L3MBTL4: variants seen among roughly 807,000 people sequenced by gnomAD.
L3MBTL4 encodes the protein L3MBTL histone methyl-lysine binding protein 4.
Under a neutral mutation model 84.5 loss-of-function variants are expected in L3MBTL4, and 70 were observed. That is an observed-to-expected ratio of 0.83 (90% CI 0.68 to 1.01). L3MBTL4 has a LOEUF of 1.01. Ranked by LOEUF, L3MBTL4 falls within the 50% of genes least tolerant of loss-of-function variation. The pLI is 0.00. For missense variants in L3MBTL4, 715 were observed against 754.8 expected (o/e 0.95, Z 0.62); for synonymous variants, 274 against 259.8 (o/e 1.05, Z -0.52).
chr18:6,308,106 G>GA (rs906597141), intron 3 of L3MBTL4, among the ~76,000 whole-genome samples: 5 of 152,280 alleles, frequency 3.3e-5, no homozygotes, highest in African/African-American at 9.6e-5. Context: ...CTGGTGAGCA[G>GA]AAAAATCTAG....
chr18:6,403,720 A>G (rs769439959), intron 1 of L3MBTL4, among the ~76,000 whole-genome samples: 4 of 152,256 alleles, frequency 2.6e-5, no homozygotes, highest in Non-Finnish European at 5.9e-5. Flanking sequence ...TAAAACTACC[A>G]TTTGATCCAG....
chr18:6,130,600 T>A (rs892841658), intron 14 of L3MBTL4, among the ~76,000 whole-genome samples: 4 of 152,164 alleles, frequency 2.6e-5, no homozygotes, highest in African/African-American at 9.7e-5. Flanking sequence ...GTAAATAATA[T>A]AATTATTGGT....
In L3MBTL4 at chr18:6,281,145, CA is replaced by C. The variant is rs200860011; in HGVS notation, c.128-17108del. Among the ~76,000 whole-genome samples, 73 of 152,142 alleles carry C rather than the reference CA, an allele frequency of 4.8e-4. No homozygotes were observed. In the East Asian group the frequency reaches 0.014, roughly 28 times the overall value. On this transcript the variant is annotated intron_variant, in intron 4 of 18. Transcript: ENST00000317931. ...AATGCTCAGTAACTGGGAAAATTGA[CA>C]AAATAGTCATATTTAATCTGCCTGA...
intron 1 of L3MBTL4, among the ~76,000 whole-genome samples, chr18:6,384,298 C>T (rs1430427297): frequency 1.3e-5 from 2 of 152,088 alleles, no homozygotes; most frequent in Non-Finnish European, 2.9e-5. Flanking sequence ...TATATACACA[C>T]ACACAAACCA....
intron 16 of L3MBTL4, among the ~76,000 whole-genome samples, chr18:5,985,560 CTAA>C (rs1304511237): frequency 1.3e-5 from 2 of 152,190 alleles, no homozygotes; most frequent in Non-Finnish European, 2.9e-5. Context: ...GTCAGGACTC[CTAA>C]TGAGGCTGCC....
At chr18:6,075,723 C>T (rs796504077) in intron 16 of L3MBTL4, among the ~76,000 whole-genome samples, 32 of 152,020 alleles carry the variant, frequency 2.1e-4, no homozygotes, top group African/African-American at 7.5e-4. Flanking sequence ...TGTGAAAAGG[C>T]AAATGGTAGA....
At chr18:6,159,686 C>A (rs1423053009) in intron 13 of L3MBTL4, among the ~76,000 whole-genome samples, 2 of 152,190 alleles carry the variant, frequency 1.3e-5, no homozygotes, top group African/African-American at 2.4e-5. Context: ...GGGCCAGCAC[C>A]ACCAGGCCAC....
chr18:5,983,524 G>T (rs569603231), intron 16 of L3MBTL4, among the ~76,000 whole-genome samples: 1 of 152,108 alleles, frequency 6.6e-6, no homozygotes, highest in Non-Finnish European at 1.5e-5. Context: ...CAGTGTTAGG[G>T]AATAGAACAA....
chr18:6,277,242 C>T (rs2049123628), intron 4 of L3MBTL4, among the ~76,000 whole-genome samples: 1 of 151,972 alleles, frequency 6.6e-6, no homozygotes. Flanking sequence ...ACATATGTAA[C>T]TAACCTGCAC....
At chr18:6,359,060 C>G (rs549355585) in intron 1 of L3MBTL4, among the ~76,000 whole-genome samples, 30 of 152,302 alleles carry the variant, frequency 2.0e-4, no homozygotes, top group African/African-American at 6.3e-4. Context: ...TAGCCCAGAC[C>G]TGCAACACAA....
chr18:6,301,604 G>A (rs2050342223), intron 4 of L3MBTL4, among the ~76,000 whole-genome samples: 2 of 152,048 alleles, frequency 1.3e-5, no homozygotes, highest in Admixed American at 6.5e-5. Context: ...AAACTAAATA[G>A]CATCTCTTTA....
At chr18:6,365,197 AT>A (rs1197494006) in intron 1 of L3MBTL4, among the ~76,000 whole-genome samples, 1 of 152,190 alleles carries the variant, frequency 6.6e-6, no homozygotes, top group Non-Finnish European at 1.5e-5. Flanking sequence ...TGGAATAAAC[AT>A]GCTTCCCTCC....
intron 13 of L3MBTL4, among the ~76,000 whole-genome samples, chr18:6,164,546 C>T (rs998954590): frequency 2.6e-5 from 4 of 152,176 alleles, no homozygotes; most frequent in Non-Finnish European, 4.4e-5. Context: ...CTGCAGCCAC[C>T]GCTGCTGATA....
At chr18:6,256,195 CT>C (rs1341580089) in intron 5 of L3MBTL4, among the ~76,000 whole-genome samples, 1 of 152,164 alleles carries the variant, frequency 6.6e-6, no homozygotes, top group Non-Finnish European at 1.5e-5. Context: ...CAAAATGCAC[CT>C]ATCAAAAACA....
chr18:6,284,159 A>G (rs527983233), intron 4 of L3MBTL4, among the ~76,000 whole-genome samples: 21 of 152,326 alleles, frequency 1.4e-4, no homozygotes, highest in Admixed American at 1.3e-3. Flanking sequence ...CAGGAGAAAA[A>G]TAAGATTCCA....
chr18:6,254,130 C>T (rs1434319594), intron 5 of L3MBTL4, among the ~76,000 whole-genome samples: 2 of 152,072 alleles, frequency 1.3e-5, no homozygotes, highest in African/African-American at 2.4e-5. Flanking sequence ...ATAAGCATTT[C>T]CCCAAGGATA....
intron 12 of L3MBTL4, among the ~76,000 whole-genome samples, chr18:6,183,245 C>A (rs779231681): frequency 9.2e-5 from 14 of 152,332 alleles, no homozygotes; most frequent in South Asian, 6.2e-4. Flanking sequence ...TGGGTGATAT[C>A]TTTGCAAGAA....
chr18:6,184,318 C>T (rs2044621783), intron 12 of L3MBTL4, among the ~76,000 whole-genome samples: 1 of 152,104 alleles, frequency 6.6e-6, no homozygotes, highest in Admixed American at 6.5e-5. Flanking sequence ...ACCGTATTTT[C>T]TATTTTTTTT....
intron 16 of L3MBTL4, chr18:6,031,590 T>C (rs957610026): frequency 2.1e-6 from 2 of 941,078 alleles, no homozygotes; most frequent in Non-Finnish European, 2.5e-6. Flanking sequence ...ACATGTTTGT[T>C]GGACAGTTGT....
Sources: gnomAD v4.1 joint callset for allele counts (sites outside exome capture counted in the v4.1 genomes callset) on GRCh38, gnomAD v4.1.1 for gene constraint, MANE v1.5 for transcripts, NCBI Gene and HGNC (gene_info 2026-07-23, HGNC 2026-07-21) for gene names.